PIK3R6: variants seen among roughly 807,000 people sequenced by gnomAD.
PIK3R6 encodes phosphoinositide-3-kinase regulatory subunit 6.
In PIK3R6, 91 loss-of-function variants were observed where a neutral mutation model predicts 84.9. The observed-to-expected ratio is 1.07, with a 90% CI of 0.90 to 1.28. The LOEUF (loss-of-function observed/expected upper bound fraction) is 1.28. PIK3R6 is among the 50% of genes most tolerant of loss of function. The pLI is 0.00. For synonymous variants in PIK3R6, 416 were observed against 411.4 expected (o/e 1.01, Z -0.13); for missense variants, 996 against 985.1 (o/e 1.01, Z -0.15).
In PIK3R6 at chr17:8,803,168, C is replaced by T. The variant is rs2087089775; in HGVS notation, c.*105G>A. ...GGCACTCGCTGGCTCCTGGTCAAGG[C>T]CAAAGCTGCCGTGTGGAGCCGGGCC... On this transcript the variant is annotated 3_prime_UTR_variant, in exon 20 of 20. Transcript: ENST00000619866. The surrounding 1 kb of genome is among the most constrained non-coding windows in gnomAD (Gnocchi z 5.0). The T allele has an allele frequency of 6.7e-7, 1 of 1,483,574 alleles. No individual in the cohort carries two copies. The highest frequency in any genetic ancestry group is 1.9e-5 in the Admixed American group (1 of 53,448). 91.9% of individuals were successfully genotyped at this position (1,483,574 alleles called of 1,614,324 possible).
chr17:8,822,607 G>C lies in PIK3R6; in HGVS notation c.1768C>G (p.Leu590Val), dbSNP rs2087776910. 1 of 1,613,900 alleles carries C rather than the reference G, an allele frequency of 6.2e-7. No individual in the cohort carries two copies. The highest frequency in any genetic ancestry group is 1.3e-5 in the African/African-American group (1 of 74,922). The stretch of plus-strand genomic sequence containing the variant: ...CTGACCTTCTGGTAGCATAGGGAGA[G>C]CTCTGCCCCTGGGCCCTCAGCCACG... ...RGVAEGPGAE[L>V]SLCYQKALLS... Residue 590 changes from leucine (L) to valine (V), a missense_variant, in exon 16 of 20, where the codon CTC (leucine) becomes GTC (valine). Coordinates refer to ENST00000619866, the MANE Select transcript of PIK3R6 (RefSeq NM_001010855.4).
chr17:8,837,716 G>T, intron 5 of PIK3R6, 87 bp downstream of exon 5: 1 of 1,183,968 alleles, frequency 8.4e-7, no homozygotes, highest in South Asian at 1.3e-5. Context: ...TCATCCTGGC[G>T]GAGACTGAGT....
In PIK3R6 at chr17:8,839,443, A is replaced by C. The variant is rs1276674862; in HGVS notation, c.97+171T>G. ...GGAGGGTTGAACTAGGGAGCAGAGA[A>C]GCCTTCTCAGTCCTTCAGGCTCTAG... is the stretch of plus-strand genomic sequence containing the variant. On this transcript the variant is annotated intron_variant, in intron 3 of 19. Coordinates refer to ENST00000619866, the MANE Select transcript of PIK3R6 (RefSeq NM_001010855.4). This position sits in a 1 kb window ranked among gnomAD's most constrained non-coding sequence, Gnocchi z 4.2. 6.6e-6 allele frequency among the ~76,000 whole-genome samples: 1 copy of C among 152,184 alleles called. No homozygotes were observed. The highest frequency in any genetic ancestry group is 1.5e-5 in the Non-Finnish European group (1 of 68,012).
In PIK3R6 at chr17:8,837,782, C is replaced by T. The variant is rs138502083; in HGVS notation, c.258+21G>A. On this transcript the variant is annotated intron_variant, in intron 5 of 19. Transcript: ENST00000619866. ...CACATGCAGGTCACCACTACCACCT[C>T]GACCTCAGTCCCCAGCTCACCTTGG... 1.7e-5 allele frequency: 28 copies of T among 1,605,270 alleles called. No homozygotes were observed. In the East Asian group the frequency reaches 4.7e-4, roughly 27 times the overall value.
In PIK3R6 at chr17:8,822,613, C is replaced by T. The variant is rs774403746; in HGVS notation, c.1762G>A (p.Ala588Thr). 6.2e-6 allele frequency: 10 copies of T among 1,613,918 alleles called. No homozygotes were observed. Among genetic ancestry groups the T allele is most frequent in the East Asian group, 4.5e-5 (2 of 44,898 alleles). Residue 588 changes from alanine (A) to threonine (T), a missense_variant, in exon 16 of 20, where the codon GCA becomes ACA. Transcript: ENST00000619866. ...RRRGVAEGPGAELSLCYQKAL... is the reference protein window; with the variant it reads ...RRRGVAEGPGTELSLCYQKAL... ...TTCTGGTAGCATAGGGAGAGCTCTG[C>T]CCCTGGGCCCTCAGCCACGCCTCTC...
chr17:8,827,763 GGA>G (rs199969342), intron 12 of PIK3R6, among the ~76,000 whole-genome samples: 2,244 of 34,758 alleles, frequency 0.065, 74 homozygotes, highest in Non-Finnish European at 0.09. Flanking sequence ...GAGAGAGAGA[GGA>G]GAGAGAGAGA....
intron 1 of PIK3R6, among the ~76,000 whole-genome samples, chr17:8,865,587 C>CT (rs1555542323): frequency 6.6e-6 from 1 of 151,654 alleles, no homozygotes; most frequent in Non-Finnish European, 1.5e-5. Flanking sequence ...GCAGCTCAGG[C>CT]TTGCCAGACG....
At chr17:8,822,459 T>C in intron 16 of PIK3R6, 128 bp downstream of exon 16, 1 of 1,077,322 alleles carries the variant, frequency 9.3e-7, no homozygotes, top group Admixed American at 2.4e-5. Flanking sequence ...TGGGGAACTC[T>C]GCGGGCAGCT....
intron 2 of PIK3R6, 21 bp downstream of exon 2, chr17:8,849,761 C>A: frequency 6.2e-7 from 1 of 1,610,798 alleles, no homozygotes. Flanking sequence ...CACTAGACCC[C>A]TTTCCCCCCA....
At chr17:8,808,183 G>A (rs1414468395) in intron 18 of PIK3R6, among the ~76,000 whole-genome samples, 1 of 152,144 alleles carries the variant, frequency 6.6e-6, no homozygotes, top group Non-Finnish European at 1.5e-5. Context: ...ATATAAGAAG[G>A]AGATGAAATA....
At position 8,844,335 on chromosome 17, in the gene PIK3R6, A is replaced by G. The variant is rs1470511742; in HGVS notation, c.14-4638T>C. ...CTGAGCTTCTCACAAACTCCCACGT[A>G]GGGGGAAGCACTCCAAGTGAATGAT... On this transcript the variant is annotated intron_variant, in intron 2 of 19. Coordinates refer to ENST00000619866, the MANE Select transcript of PIK3R6 (RefSeq NM_001010855.4). This position sits in a 1 kb window ranked among gnomAD's most constrained non-coding sequence, Gnocchi z 4.5. Among the ~76,000 whole-genome samples the G allele has an allele frequency of 6.6e-6, 1 of 152,226 alleles. No homozygotes were observed. The highest frequency in any genetic ancestry group is 1.5e-5 in the Non-Finnish European group (1 of 68,038).
At chr17:8,863,890 C>T (rs2089341359) in intron 1 of PIK3R6, among the ~76,000 whole-genome samples, 1 of 152,148 alleles carries the variant, frequency 6.6e-6, no homozygotes, top group Non-Finnish European at 1.5e-5. Context: ...TGAGTGGGAA[C>T]CTAAAAAAGG....
chr17:8,849,749 C>A, intron 2 of PIK3R6, 33 bp downstream of exon 2: 1 of 1,600,830 alleles, frequency 6.2e-7, no homozygotes, highest in Non-Finnish European at 8.5e-7. Flanking sequence ...CGGCAGCAGG[C>A]TCACTAGACC....
At chr17:8,804,494 C>G (rs772818647) in intron 18 of PIK3R6, among the ~76,000 whole-genome samples, 1 of 152,136 alleles carries the variant, frequency 6.6e-6, no homozygotes, top group Non-Finnish European at 1.5e-5. Context: ...CTATGACAGA[C>G]GTGTTAATGT....
chr17:8,843,552 G>A (rs2088741840), intron 2 of PIK3R6, among the ~76,000 whole-genome samples: 2 of 151,974 alleles, frequency 1.3e-5, no homozygotes, highest in South Asian at 4.1e-4. Flanking sequence ...TTTTGTTTTT[G>A]AATGTCTGGG....
At chr17:8,832,058 C>G (rs541740660) in intron 9 of PIK3R6, among the ~76,000 whole-genome samples, 1 of 152,328 alleles carries the variant, frequency 6.6e-6, no homozygotes, top group African/African-American at 2.4e-5. Context: ...TTTAGATGCT[C>G]TGGTCCTTGG....
At chr17:8,863,014 C>T (rs1477631277) in intron 1 of PIK3R6, among the ~76,000 whole-genome samples, 3 of 152,138 alleles carry the variant, frequency 2.0e-5, no homozygotes, top group Admixed American at 6.5e-5. Context: ...TTAAAATACA[C>T]AAAATGCCTG....
intron 1 of PIK3R6, among the ~76,000 whole-genome samples, chr17:8,864,529 C>CTTTTTT (rs35714531): frequency 3.1e-5 from 2 of 65,542 alleles, no homozygotes; most frequent in Non-Finnish European, 2.8e-5. Flanking sequence ...CTTCACAGCT[C>CTTTTTT]TTTTTTTTTT....
At chr17:8,847,884 G>C (rs542874892) in intron 2 of PIK3R6, among the ~76,000 whole-genome samples, 14 of 152,192 alleles carry the variant, frequency 9.2e-5, no homozygotes, top group African/African-American at 2.9e-4. Context: ...TTATCCACTG[G>C]ATCTGGGAAT....
Sources: allele counts gnomAD v4.1 joint callset (sites outside exome capture counted in the v4.1 genomes callset), GRCh38; gene constraint gnomAD v4.1.1; non-coding constraint Gnocchi (gnomAD v3.1); transcripts MANE v1.5; gene names NCBI Gene and HGNC (gene_info 2026-07-23, HGNC 2026-07-21).